The following MAP3K14 variants were observed in gnomAD, a reference collection of about 807,000 sequenced individuals.
MAP3K14 encodes NF-kappa-beta-inducing kinase.
MAP3K14 carries 16 observed loss-of-function variants against 99.2 expected under a neutral mutation model. The ratio of observed to expected loss-of-function variants is 0.16; its 90% confidence interval spans 0.11 to 0.24. MAP3K14 has a LOEUF of 0.24. Among genes scored for constraint, MAP3K14 ranks in the 10% least tolerant of loss-of-function variants. The pLI, the probability that MAP3K14 is intolerant of heterozygous loss-of-function variation, is 1.00. For synonymous variants in MAP3K14, 462 were observed against 492.4 expected (o/e 0.94, Z 0.82); for missense variants, 784 against 1,208.7 (o/e 0.65, Z 5.21).
chr17:45,298,228 C>G (rs1011018556), intron 1 of MAP3K14, among the ~76,000 whole-genome samples: 1 of 151,592 alleles, frequency 6.6e-6, no homozygotes, highest in African/African-American at 2.4e-5. Context: ...ACAATTCAGA[C>G]CAGAAGAATA....
rs371326984 is a variant in MAP3K14 at position 45,274,130 on chromosome 17, G to A, written c.1545C>T (p.Asp515=). The change falls in exon 8 of 16, where the codon GAC becomes GAT. Residue 515 remains aspartate, a synonymous_variant. Transcript: ENST00000344686. The part of the protein sequence containing the change: ...YLHSRRILHG[D]VKADNVLLSS... ...GTGGGGCCTGGGCCTTACCTTTGAC[G>A]TCCCCATGCAGAATCCTTCGTGAGT... The A allele has an allele frequency of 3.5e-5, 56 of 1,609,612 alleles. No homozygotes were observed. Among genetic ancestry groups the A allele is most frequent in the African/African-American group, 2.7e-4 (20 of 74,860 alleles).
At chr17:45,314,987 T>C (rs2044518023) in intron 1 of MAP3K14, among the ~76,000 whole-genome samples, 1 of 148,586 alleles carries the variant, frequency 6.7e-6, no homozygotes, top group Non-Finnish European at 1.5e-5. Flanking sequence ...CACCAGACCC[T>C]AGCCAGGGAT....
chr17:45,315,377 G>A (rs1017419904), intron 1 of MAP3K14, among the ~76,000 whole-genome samples: 1 of 152,114 alleles, frequency 6.6e-6, no homozygotes, highest in African/African-American at 2.4e-5. Flanking sequence ...TTCACAAAGA[G>A]CTGGTACACA....
At chr17:45,306,725 C>T (rs1048061921) in intron 1 of MAP3K14, among the ~76,000 whole-genome samples, 9 of 152,168 alleles carry the variant, frequency 5.9e-5, no homozygotes. Flanking sequence ...TGATACAGGG[C>T]ATTTTATAAG....
rs567617642 is a variant in MAP3K14 at position 45,267,004 on chromosome 17, C to G, written c.2433+88G>C. On this transcript the variant is annotated intron_variant, in intron 13 of 15. Transcript: ENST00000344686. This position sits in a 1 kb window ranked among gnomAD's most constrained non-coding sequence, Gnocchi z 5.1. ...CCACTACTTGCACAGTGTCCATTCA[C>G]TAGCTGGACGCAAAGCTACTTGCTC... 41 of 1,005,364 alleles carry G rather than the reference C, an allele frequency of 4.1e-5. No individual in the cohort carries two copies. In the East Asian group the frequency reaches 9.9e-4, roughly 24 times the overall value. 62.3% of individuals were successfully genotyped at this position (1,005,364 alleles called of 1,614,324 possible). A position where few individuals can be genotyped will look rare whatever the true frequency, so the allele number is the denominator to read the frequency against.
At chr17:45,298,168 A>G (rs899527846) in intron 1 of MAP3K14, among the ~76,000 whole-genome samples, 2 of 152,228 alleles carry the variant, frequency 1.3e-5, no homozygotes, top group Non-Finnish European at 1.5e-5. Flanking sequence ...AGAAAAAATT[A>G]CAGTTAGTAT....
intron 1 of MAP3K14, among the ~76,000 whole-genome samples, chr17:45,308,530 G>C (rs768931582): frequency 1.1e-4 from 16 of 152,218 alleles, no homozygotes; most frequent in Non-Finnish European, 2.1e-4. Context: ...TTGAGAAGAG[G>C]ACTTGTTCTG....
intron 1 of MAP3K14, among the ~76,000 whole-genome samples, chr17:45,306,127 T>C (rs1568001838): frequency 1.3e-5 from 2 of 152,206 alleles, no homozygotes; most frequent in African/African-American, 4.8e-5. Context: ...CGTGCATTTT[T>C]TTCTTGAATC....
At chr17:45,290,189 G>A (rs2143829658) in intron 2 of MAP3K14, among the ~76,000 whole-genome samples, 1 of 152,300 alleles carries the variant, frequency 6.6e-6, no homozygotes, top group South Asian at 2.1e-4. Context: ...GCTGCTCAAG[G>A]TCACAGCAGA....
chr17:45,290,893 A>G, intron 1 of MAP3K14, 128 bp from the exon 2 acceptor site: 1 of 813,286 alleles, frequency 1.2e-6, no homozygotes, highest in Non-Finnish European at 2.0e-6. Flanking sequence ...CCTCTGCCAC[A>G]CATACTCATC....
At chr17:45,292,821 G>C (rs931897357) in intron 1 of MAP3K14, among the ~76,000 whole-genome samples, 1 of 152,170 alleles carries the variant, frequency 6.6e-6, no homozygotes, top group Non-Finnish European at 1.5e-5. Context: ...CAGGGAGCTC[G>C]ATGTGAGCGT....
At position 45,286,658 on chromosome 17, in the gene MAP3K14, T is replaced by G; in HGVS notation, c.925A>C (p.Ser309Arg). ...PHLSKLACVD[S>R]PKPLPGPHLE... ...TGTGGGCCAGGCAGGGGCTTTGGAC[T>G]GTCTACACAGGCCAGTTTGCTCAGG... Residue 309 changes from serine (S) to arginine (R), a missense_variant, in exon 5 of 16, where the codon AGT becomes CGT. Ser to Arg is a moderately radical substitution (Grantham distance 110). Coordinates refer to ENST00000344686, the MANE Select transcript of MAP3K14 (RefSeq NM_003954.5). The surrounding 1 kb of genome is among the most constrained non-coding windows in gnomAD (Gnocchi z 4.1). 1 of 1,610,536 alleles carries G rather than the reference T, an allele frequency of 6.2e-7. No individual in the cohort carries two copies. Among genetic ancestry groups the G allele is most frequent in the Non-Finnish European group, 8.5e-7 (1 of 1,178,584 alleles).
At chr17:45,274,401 G>A in intron 7 of MAP3K14, 63 bp downstream of exon 7, 1 of 1,601,888 alleles carries the variant, frequency 6.2e-7, no homozygotes, top group Non-Finnish European at 8.5e-7. Context: ...GCCAACTTGG[G>A]CAAGACTCAG....
At position 45,297,411 on chromosome 17, in the gene MAP3K14, A is replaced by C. The variant is rs1186160148; in HGVS notation, c.-20-6646T>G. ...CAAGTCAGGGCTGAATCAGCCATCA[A>C]TTTGTCAGACTTTTAGTTCAGTTAC... On this transcript the variant is annotated intron_variant, in intron 1 of 15. Coordinates refer to ENST00000344686, the MANE Select transcript of MAP3K14 (RefSeq NM_003954.5). Among the ~76,000 whole-genome samples the C allele has an allele frequency of 3.9e-5, 6 of 152,226 alleles. No individual in the cohort carries two copies. The East Asian group carries it at 1.2e-3, about 29-fold the overall frequency.
At chr17:45,309,724 A>G (rs986500463) in intron 1 of MAP3K14, among the ~76,000 whole-genome samples, 1 of 152,158 alleles carries the variant, frequency 6.6e-6, no homozygotes, top group African/African-American at 2.4e-5. Flanking sequence ...GTCCTGAAAG[A>G]TGGCTGTGGA....
intron 9 of MAP3K14, among the ~76,000 whole-genome samples, chr17:45,271,497 C>T (rs892815387): frequency 3.3e-5 from 5 of 152,176 alleles, no homozygotes; most frequent in Non-Finnish European, 1.5e-5. Flanking sequence ...AGGCATGAGC[C>T]ACCATGCCCA....
chr17:45,267,457 G>A lies in MAP3K14; in HGVS notation c.2275C>T (p.Pro759Ser). 6.2e-7 allele frequency: 1 copy of A among 1,610,762 alleles called. No individual in the cohort carries two copies. The highest frequency in any genetic ancestry group is 8.5e-7 in the Non-Finnish European group (1 of 1,178,456). ...EPAPARNPSS[P>S]ERKATVPEQE... ...TCCGGGACGGTTGCTTTCCGCTCTG[G>A]TGAGCTGGGGTTTCTGGCAGGGGCT... The change falls in exon 12 of 16, where the codon CCA becomes TCA. Residue 759 changes from proline (P) to serine (S), a missense_variant. By Grantham distance (74) the Pro-to-Ser change is moderately conservative. Around this residue, in one of 5 missense-constraint regions of MAP3K14, gnomAD observed 128 missense variants for 143.3 expected, o/e 0.89. Coordinates refer to ENST00000344686, the MANE Select transcript of MAP3K14 (RefSeq NM_003954.5). This position sits in a 1 kb window ranked among gnomAD's most constrained non-coding sequence, Gnocchi z 5.1.
chr17:45,266,700 G>A lies in MAP3K14; in HGVS notation c.2434-19C>T. The stretch of plus-strand genomic sequence containing the variant: ...ATGGGTTCTGAAACAACAGGATTGG[G>A]TACGGGCTCAGGGCCCTGGGCTCCA... On this transcript the variant is annotated intron_variant, in intron 13 of 15. Transcript: ENST00000344686. 1 of 1,599,242 alleles carries A rather than the reference G, an allele frequency of 6.3e-7. No homozygotes were observed. Among genetic ancestry groups the A allele is most frequent in the African/African-American group, 1.3e-5 (1 of 74,698 alleles).
At chr17:45,282,446 G>A (rs2044230813) in intron 6 of MAP3K14, among the ~76,000 whole-genome samples, 1 of 151,622 alleles carries the variant, frequency 6.6e-6, no homozygotes, top group African/African-American at 2.4e-5. Flanking sequence ...TCCCAGCTAT[G>A]TGGGAAGCTG....
Sources: gnomAD v4.1 joint callset for allele counts (sites outside exome capture counted in the v4.1 genomes callset) on GRCh38, gnomAD v4.1.1 for gene constraint, gnomAD v4.1.1 regional missense constraint, Gnocchi (gnomAD v3.1) non-coding constraint, MANE v1.5 for transcripts, NCBI Gene and HGNC (gene_info 2026-07-23, HGNC 2026-07-21) for gene names.